CAMKK2: variants seen among roughly 807,000 people sequenced by gnomAD.
CAMKK2 encodes calcium/calmodulin dependent protein kinase kinase 2, also known as calcium/calmodulin-dependent protein kinase kinase 2.
Under a neutral mutation model 67.2 loss-of-function variants are expected in CAMKK2, and 30 were observed. The ratio of observed to expected loss-of-function variants is 0.45; its 90% CI spans 0.33 to 0.61. The LOEUF is 0.61. CAMKK2 is among the 20% of genes least tolerant of loss of function. The pLI, the probability that CAMKK2 is intolerant of heterozygous loss-of-function variation, is 0.02. For synonymous variants in CAMKK2, 322 were observed against 326.2 expected, an observed-to-expected ratio of 0.99 and a Z score of 0.14; for missense variants, 643 against 802.0, an observed-to-expected ratio of 0.80 and a Z score of 2.39.
chr12:121,272,177 G>T (rs778026691), intron 2 of CAMKK2, among the ~76,000 whole-genome samples: 5 of 152,202 alleles, frequency 3.3e-5, no homozygotes, highest in African/African-American at 4.8e-5. Context: ...CGTACCACAG[G>T]CCACTCTACC....
At chr12:121,252,135 T>C (rs1160863313) in intron 11 of CAMKK2, among the ~76,000 whole-genome samples, 1 of 152,220 alleles carries the variant, frequency 6.6e-6, no homozygotes. Context: ...TTATAAACTC[T>C]AGAGCCTCTG....
At chr12:121,271,851 G>A (rs1895842650) in intron 2 of CAMKK2, among the ~76,000 whole-genome samples, 1 of 152,160 alleles carries the variant, frequency 6.6e-6, no homozygotes, top group Admixed American at 6.5e-5. Flanking sequence ...GGGATTACAG[G>A]CACCCACCAC....
chr12:121,274,442 CGCTGCT>C lies in CAMKK2; in HGVS notation c.79_84del (p.Ser27_Ser28del). On this transcript the variant is annotated inframe_deletion, in exon 2 of 17. Coordinates refer to ENST00000404169, the MANE Select transcript of CAMKK2 (RefSeq NM_001270485.2). ...AGGGCCTCACAGGGCTTCTGGCTTT[CGCTGCT>C]GCTGCTGCCCCTGCCCCCCAGCTCA... The C allele has an allele frequency of 9.9e-6, 16 of 1,613,062 alleles. No homozygotes were observed. The highest frequency in any genetic ancestry group is 1.4e-5 in the Non-Finnish European group (16 of 1,179,954).
intron 14 of CAMKK2, among the ~76,000 whole-genome samples, chr12:121,247,383 C>T (rs972817859): frequency 1.4e-4 from 21 of 152,128 alleles, no homozygotes; most frequent in Admixed American, 1.2e-3. Context: ...AAGTGTTTCC[C>T]GTATAATGAA....
intron 14 of CAMKK2, among the ~76,000 whole-genome samples, chr12:121,246,477 C>T (rs887107024): frequency 6.6e-6 from 1 of 151,734 alleles, no homozygotes; most frequent in Admixed American, 6.6e-5. Flanking sequence ...ACCTGGGAGG[C>T]GGAGGTTGCA....
chr12:121,290,698 C>T (rs1377827097), intron 1 of CAMKK2, among the ~76,000 whole-genome samples: 2 of 152,046 alleles, frequency 1.3e-5, no homozygotes, highest in Non-Finnish European at 2.9e-5. Context: ...TCAAAACACA[C>T]AAAAAATCAT....
chr12:121,257,826 T>G (rs1892650070), intron 7 of CAMKK2, among the ~76,000 whole-genome samples: 3 of 152,040 alleles, frequency 2.0e-5, no homozygotes, highest in Non-Finnish European at 4.4e-5. Flanking sequence ...GCCTTGGTTA[T>G]TTAAGTCTTC....
Position 121,287,141 on chromosome 12 carries a change from A to G in CAMKK2, c.-60+9497T>C, listed in dbSNP as rs188427329. Among the ~76,000 whole-genome samples the G allele has an allele frequency of 3.0e-4, 46 of 152,190 alleles. No individual in the cohort carries two copies. The East Asian group carries it at 7.7e-3, about 26-fold the overall frequency. ...GGCTGTTCTCAAACTCCTGGGCTCAAGTGATCCACCTGCCTCAGCCTCCCA... is the reference window on the plus strand; with the variant it reads ...GGCTGTTCTCAAACTCCTGGGCTCAGGTGATCCACCTGCCTCAGCCTCCCA... On this transcript the variant is annotated intron_variant, in intron 1 of 16. Coordinates refer to ENST00000404169, the MANE Select transcript of CAMKK2 (RefSeq NM_001270485.2).
At chr12:121,264,020 A>T in intron 5 of CAMKK2, 81 bp from the exon 6 acceptor site, 1 of 1,362,558 alleles carries the variant, frequency 7.3e-7, no homozygotes, top group Non-Finnish European at 9.7e-7. Context: ...GGATGCCAAA[A>T]GGTGGGATGC....
chr12:121,239,969 G>A lies in CAMKK2; in HGVS notation c.*730C>T, dbSNP rs1653590. 0.055 allele frequency: 8,623 copies of A among 157,994 alleles called. 253 individuals carry two copies. Among genetic ancestry groups the A allele is most frequent in the South Asian group, 0.11 (642 of 5,596 alleles). The allele number at this position is 157,994 out of a possible 1,614,324, so 9.8% of individuals were successfully genotyped here. ...CTATCTCAGAAACCTGCTTTGAGCA[G>A]CTGTCATGAAGAAACACGTTCAGTC... On this transcript the variant is annotated 3_prime_UTR_variant, in exon 17 of 17. Coordinates refer to ENST00000404169, the MANE Select transcript of CAMKK2 (RefSeq NM_001270485.2).
intron 7 of CAMKK2, 146 bp from the exon 8 acceptor site, chr12:121,255,950 C>A: frequency 1.3e-6 from 1 of 759,718 alleles, no homozygotes; most frequent in South Asian, 1.6e-5. Flanking sequence ...TCCACTGAAC[C>A]AAGCTGGCCA....
Position 121,255,648 on chromosome 12 carries a change from C to G in CAMKK2, c.819-10G>C, listed in dbSNP as rs201777143. 3.7e-6 allele frequency: 6 copies of G among 1,611,830 alleles called. No homozygotes were observed. The African/African-American group carries it at 8.0e-5, about 22-fold the overall frequency. On this transcript the variant is annotated splice_polypyrimidine_tract_variant and intron_variant, in intron 8 of 16. Coordinates refer to ENST00000404169, the MANE Select transcript of CAMKK2 (RefSeq NM_001270485.2). ...CACTTCCATCACGGGCCTGAAAGGTCGACACTCATGTGAAACACAAAGCAG... is the reference window on the plus strand; with the variant it reads ...CACTTCCATCACGGGCCTGAAAGGTGGACACTCATGTGAAACACAAAGCAG...
intron 1 of CAMKK2, among the ~76,000 whole-genome samples, chr12:121,293,274 T>G (rs1593534620): frequency 6.6e-6 from 1 of 152,000 alleles, no homozygotes; most frequent in African/African-American, 2.4e-5. Flanking sequence ...GGAAACTCCA[T>G]CTCAAAGAAA....
chr12:121,240,742 C>G lies in CAMKK2; in HGVS notation c.1724G>C (p.Arg575Pro), dbSNP rs1194145163. 9 of 1,608,216 alleles carry G rather than the reference C, an allele frequency of 5.6e-6. No individual in the cohort carries two copies. The highest frequency in any genetic ancestry group is 7.6e-6 in the Non-Finnish European group (9 of 1,178,872). Residue 575 changes from arginine to proline, a missense_variant, in exon 17 of 17, where the codon CGC (arginine) becomes CCC (proline). Arg to Pro is a moderately radical substitution (Grantham distance 103). Transcript: ENST00000404169. This position sits in a 1 kb window ranked among gnomAD's most constrained non-coding sequence, Gnocchi z 4.4. ...CTCCTCCGGCCGCAGTGGATGCATG[C>G]GTGCGGGGGAGCCGGGGGCGGGGGC... ...CWAPAPGSPA[R>P]MHPLRPEEAM...
At chr12:121,255,686 T>G in intron 8 of CAMKK2, 48 bp from the exon 9 acceptor site, 1 of 1,608,108 alleles carries the variant, frequency 6.2e-7, no homozygotes, top group Non-Finnish European at 8.5e-7. Flanking sequence ...CCGCCAGCCC[T>G]TGCCCTCTCT....
chr12:121,252,436 T>C (rs1276603775), intron 11 of CAMKK2, among the ~76,000 whole-genome samples: 1 of 152,190 alleles, frequency 6.6e-6, no homozygotes, highest in African/African-American at 2.4e-5. Flanking sequence ...GCCTGGCTAA[T>C]TTTTTGTATT....
Position 121,273,928 on chromosome 12 carries a change from G to A in CAMKK2, c.471+128C>T, listed in dbSNP as rs1411291406. On this transcript the variant is annotated intron_variant, in intron 2 of 16. Transcript: ENST00000404169. ...CCAGCCGCCCCCAAGGTTCCCTGGAGTCAACTCCTAGGTCAACCGTGGCAC... is the reference window on the plus strand; with the variant it reads ...CCAGCCGCCCCCAAGGTTCCCTGGAATCAACTCCTAGGTCAACCGTGGCAC... The A allele has an allele frequency of 4.1e-6, 3 of 729,336 alleles. No homozygotes were observed. In the African/African-American group the frequency reaches 5.4e-5, roughly 13 times the overall value. 45.2% of individuals were successfully genotyped at this position (729,336 alleles called of 1,614,324 possible).
chr12:121,274,557 G>T lies in CAMKK2; in HGVS notation c.-31C>A. On this transcript the variant is annotated 5_prime_UTR_variant, in exon 2 of 17. Coordinates refer to ENST00000404169, the MANE Select transcript of CAMKK2 (RefSeq NM_001270485.2). Reference sequence around the variant, plus strand: ...ATGCGCCAGCTTCATCCAGCACACTGGGGCACTCCCATCCGGCAGCGGAGC... The same window carrying T: ...ATGCGCCAGCTTCATCCAGCACACTTGGGCACTCCCATCCGGCAGCGGAGC... The T allele has an allele frequency of 2.0e-6, 3 of 1,512,162 alleles. No homozygotes were observed. Among genetic ancestry groups the T allele is most frequent in the Non-Finnish European group, 2.7e-6 (3 of 1,112,358 alleles). 93.7% of individuals were successfully genotyped at this position (1,512,162 alleles called of 1,614,324 possible).
intron 1 of CAMKK2, among the ~76,000 whole-genome samples, chr12:121,292,166 C>T (rs1900163264): frequency 6.6e-6 from 1 of 151,584 alleles, no homozygotes; most frequent in Admixed American, 6.6e-5. Context: ...TGCTTTGTCG[C>T]CCAGGCAGGA....
Sources: gnomAD v4.1 joint callset for allele counts (sites outside exome capture counted in the v4.1 genomes callset) on GRCh38, gnomAD v4.1.1 for gene constraint, Gnocchi (gnomAD v3.1) non-coding constraint, MANE v1.5 for transcripts, NCBI Gene and HGNC (gene_info 2026-07-23, HGNC 2026-07-21) for gene names.